The following MTOR variants were observed in gnomAD, a reference collection of about 807,000 sequenced individuals.
MTOR encodes serine/threonine-protein kinase mTOR.
A neutral mutation model predicts 319.8 loss-of-function variants in MTOR; 70 were observed. That is an observed-to-expected ratio of 0.22 (90% CI 0.18 to 0.27). The LOEUF is 0.27. MTOR is among the 10% of genes least tolerant of loss of function. MTOR has a pLI of 1.00. For synonymous variants in MTOR, 1,183 were observed against 1,211.4 expected (o/e 0.98, Z 0.49); for missense variants, 1,890 against 3,274.4 (o/e 0.58, Z 10.32).
chr1:11,254,200 C>A (rs1034499797), intron 5 of MTOR, among the ~76,000 whole-genome samples: 2 of 151,792 alleles, frequency 1.3e-5, no homozygotes, highest in East Asian at 1.9e-4. Flanking sequence ...AGTGCAGTGG[C>A]GCAATCTCGG....
At chr1:11,123,951 C>A (rs528364691) in intron 47 of MTOR, among the ~76,000 whole-genome samples, 4 of 152,284 alleles carry the variant, frequency 2.6e-5, no homozygotes, top group South Asian at 2.1e-4. Flanking sequence ...CCACGCCCAG[C>A]TAATTTTTGT....
chr1:11,227,596 A>G (rs77351709), intron 19 of MTOR, among the ~76,000 whole-genome samples: 4,525 of 152,086 alleles, frequency 0.03, 173 homozygotes, highest in Admixed American at 0.071. Context: ...GGTTGGTAGT[A>G]GTAGGGACAT....
intron 26 of MTOR, among the ~76,000 whole-genome samples, chr1:11,204,192 A>G (rs2100763482): frequency 6.6e-6 from 1 of 152,370 alleles, no homozygotes; most frequent in South Asian, 2.1e-4. Context: ...AGTAAAATAA[A>G]TAACTGTTAT....
rs374642160 is a variant in MTOR at position 11,238,508 on chromosome 1, G to A, written c.1896C>T (p.Pro632=). Residue 632 remains proline, a synonymous_variant, in exon 12 of 58, where the codon CCC becomes CCT. Transcript: ENST00000361445. ...AARTCSRLLT[P]SIHLISGHAH... ...CATGGCCACTGATGAGGTGGATGGA[G>A]GGTGTGAGCAGGCGGGAGCAGGTGC... 7.4e-6 allele frequency: 12 copies of A among 1,614,110 alleles called. No individual in the cohort carries two copies. The African/African-American group carries it at 1.5e-4, about 20-fold the overall frequency.
Position 11,146,796 on chromosome 1 carries a change from A to C in MTOR, c.4571-5T>G, listed in dbSNP as rs1216854830. On this transcript the variant is annotated splice_region_variant and splice_polypyrimidine_tract_variant and intron_variant, in intron 31 of 57. Transcript: ENST00000361445. ...CTTCCATGCTGTCCCACTGACCTAT[A>C]CACACACACATAGACAGAAAGCATC... 6.3e-7 allele frequency: 1 copy of C among 1,596,274 alleles called. No individual in the cohort carries two copies. Among genetic ancestry groups the C allele is most frequent in the South Asian group, 1.1e-5 (1 of 90,670 alleles).
intron 47 of MTOR, among the ~76,000 whole-genome samples, chr1:11,122,502 ATTTTTTT>A (rs35016135): frequency 2.5e-4 from 20 of 78,732 alleles, no homozygotes; most frequent in Admixed American, 7.6e-4. Context: ...ACCCAGCCCT[ATTTTTTT>A]TTTTTTTTTT....
intron 8 of MTOR, 108 bp downstream of exon 8, chr1:11,247,515 CAG>C (rs1192571754): frequency 1.1e-6 from 1 of 895,188 alleles, no homozygotes; most frequent in Non-Finnish European, 1.8e-6. Flanking sequence ...ACAAAGAAAT[CAG>C]AGATTTGTTG....
chr1:11,168,511 G>A lies in MTOR; in HGVS notation c.4254-994C>T, dbSNP rs1014458259. Among the ~76,000 whole-genome samples the A allele has an allele frequency of 3.3e-5, 5 of 152,194 alleles. No homozygotes were observed. The South Asian group carries it at 6.2e-4, about 19-fold the overall frequency. On this transcript the variant is annotated intron_variant, in intron 28 of 57. Coordinates refer to ENST00000361445, the MANE Select transcript of MTOR (RefSeq NM_004958.4). ...CTGTGGCAATGCAGCCCTGCTGACC[G>A]TTCTGACAGAGCCCACCCCCTTCAA...
intron 4 of MTOR, among the ~76,000 whole-genome samples, chr1:11,256,568 T>C (rs771643228): frequency 2.6e-5 from 4 of 152,192 alleles, no homozygotes; most frequent in Admixed American, 2.6e-4. Context: ...GTTATTTTTA[T>C]TTGACAGAGG....
At chr1:11,238,213 G>T (rs1220624373) in intron 12 of MTOR, among the ~76,000 whole-genome samples, 165 bp from the exon 13 acceptor site, 2 of 152,156 alleles carry the variant, frequency 1.3e-5, no homozygotes, top group East Asian at 3.8e-4. Context: ...AAAGACAAAA[G>T]AATTAAAGGT....
At chr1:11,194,472 C>A in intron 28 of MTOR, 3 of 1,613,994 alleles carry the variant, frequency 1.9e-6, no homozygotes, top group Non-Finnish European at 2.5e-6. Flanking sequence ...ACTGGGAGGG[C>A]AACCTGCGCT....
intron 28 of MTOR, among the ~76,000 whole-genome samples, chr1:11,175,679 C>G (rs1054586050): frequency 6.6e-6 from 1 of 151,934 alleles, no homozygotes; most frequent in Admixed American, 6.6e-5. Flanking sequence ...GACGGTAGAG[C>G]AGCTCACGTG....
chr1:11,218,036 C>T (rs146612678), intron 19 of MTOR, among the ~76,000 whole-genome samples: 1,712 of 152,242 alleles, frequency 0.011, 68 homozygotes, highest in South Asian at 0.065. Flanking sequence ...ACTCAGTAGG[C>T]TCATTTCTAC....
rs2100416088 is a variant in MTOR, at chr1:11,128,226, C to T, written c.5911-100G>A. 2.0e-6 allele frequency: 3 copies of T among 1,501,834 alleles called. No individual in the cohort carries two copies. Among genetic ancestry groups the T allele is most frequent in the East Asian group, 2.3e-5 (1 of 44,222 alleles). 93.0% of individuals were successfully genotyped at this position (1,501,834 alleles called of 1,614,324 possible). A position where few individuals can be genotyped will look rare whatever the true frequency, so the allele number is the denominator to read the frequency against. Reference sequence around the variant, plus strand: ...ATAACAAAACAAGTGGTGAGTGTGACATTAACATCTGCTTGAGACTACCAG... The same window carrying T: ...ATAACAAAACAAGTGGTGAGTGTGATATTAACATCTGCTTGAGACTACCAG... On this transcript the variant is annotated intron_variant, in intron 42 of 57. Transcript: ENST00000361445. The surrounding 1 kb of genome is among the most constrained non-coding windows in gnomAD (Gnocchi z 5.3).
intron 5 of MTOR, among the ~76,000 whole-genome samples, chr1:11,254,302 G>A (rs895029184): frequency 1.3e-5 from 2 of 152,034 alleles, no homozygotes; most frequent in Non-Finnish European, 2.9e-5. Flanking sequence ...ACCACGCCTG[G>A]CTAATTTTTG....
chr1:11,204,988 G>A (rs1024430493), intron 25 of MTOR, among the ~76,000 whole-genome samples: 2 of 152,138 alleles, frequency 1.3e-5, no homozygotes, highest in Admixed American at 6.5e-5. Context: ...CCACACTCGG[G>A]TGCATTCGAC....
chr1:11,126,257 C>G (rs1242724000), intron 46 of MTOR, among the ~76,000 whole-genome samples: 4 of 151,766 alleles, frequency 2.6e-5, no homozygotes, highest in African/African-American at 9.7e-5. Context: ...AAAAAAATTT[C>G]AAGAGCCAGA....
At chr1:11,254,070 C>G in intron 5 of MTOR, 97 bp from the exon 6 acceptor site, 1 of 1,428,684 alleles carries the variant, frequency 7.0e-7, no homozygotes, top group East Asian at 2.3e-5. Context: ...TGAGGTGCTA[C>G]CACGCCTGCT....
chr1:11,227,097 A>C (rs939246540), intron 19 of MTOR, among the ~76,000 whole-genome samples: 4 of 151,726 alleles, frequency 2.6e-5, no homozygotes, highest in African/African-American at 9.7e-5. Context: ...TAGGAGCTCA[A>C]GACCAGCCTG....
Sources: allele counts gnomAD v4.1 joint callset (sites outside exome capture counted in the v4.1 genomes callset), GRCh38; gene constraint gnomAD v4.1.1; non-coding constraint Gnocchi (gnomAD v3.1); transcripts MANE v1.5; gene names NCBI Gene and HGNC (gene_info 2026-07-23, HGNC 2026-07-21).